The following WDR49 variants were observed in gnomAD, a reference collection of about 807,000 sequenced individuals.
WDR49 encodes cilia- and flagella-associated protein 337.
Under a neutral mutation model 119.5 loss-of-function variants are expected in WDR49, and 107 were observed. The ratio of observed to expected loss-of-function variants is 0.90; its 90% CI spans 0.77 to 1.05. WDR49 has a LOEUF of 1.05. Ranked by LOEUF, WDR49 falls within the 50% of genes least tolerant of loss-of-function variation. The pLI, the probability that WDR49 is intolerant of heterozygous loss-of-function variation, is 0.00. For synonymous variants in WDR49, 425 were observed against 418.8 expected, an observed-to-expected ratio of 1.01 and a Z score of -0.18; for missense variants, 1,240 against 1,220.5, an observed-to-expected ratio of 1.02 and a Z score of -0.24.
chr3:167,557,544 G>C (rs1713007196), intron 9 of WDR49, among the ~76,000 whole-genome samples: 1 of 152,080 alleles, frequency 6.6e-6, no homozygotes, highest in Non-Finnish European at 1.5e-5. Flanking sequence ...GCCTATGGAA[G>C]CTTGAGCAAG....
At chr3:167,609,293 A>T (rs1039192255) in intron 5 of WDR49, among the ~76,000 whole-genome samples, 9 of 152,234 alleles carry the variant, frequency 5.9e-5, no homozygotes, top group African/African-American at 1.9e-4. Flanking sequence ...CACTGAAGAG[A>T]TAGAAAAATA....
At chr3:167,626,729 C>A in intron 3 of WDR49, 123 bp downstream of exon 3, 1 of 721,232 alleles carries the variant, frequency 1.4e-6, no homozygotes, top group East Asian at 3.4e-5. Flanking sequence ...TACCTGTTCT[C>A]CCTCCAGGTC....
chr3:167,565,951 G>C (rs1453721101), intron 8 of WDR49, among the ~76,000 whole-genome samples: 2 of 152,048 alleles, frequency 1.3e-5, no homozygotes, highest in Non-Finnish European at 2.9e-5. Context: ...AATTCTACAA[G>C]GGATGTATTA....
At chr3:167,497,309 A>G (rs1751391155) in intron 18 of WDR49, among the ~76,000 whole-genome samples, 1 of 152,244 alleles carries the variant, frequency 6.6e-6, no homozygotes, top group Admixed American at 6.5e-5. Flanking sequence ...GTAAGAGGAA[A>G]TATTTTCAAA....
At chr3:167,497,431 G>C (rs1305544460) in intron 18 of WDR49, among the ~76,000 whole-genome samples, 1 of 152,022 alleles carries the variant, frequency 6.6e-6, no homozygotes, top group East Asian at 1.9e-4. Context: ...AGAAATCCAG[G>C]GGAAAAAATT....
intron 2 of WDR49, among the ~76,000 whole-genome samples, chr3:167,650,201 A>G (rs1718308551): frequency 6.6e-6 from 1 of 152,214 alleles, no homozygotes; most frequent in Admixed American, 6.5e-5. Flanking sequence ...CACCACTCCT[A>G]TAAAATCAGC....
intron 7 of WDR49, among the ~76,000 whole-genome samples, chr3:167,601,205 T>C (rs901846051): frequency 6.6e-6 from 1 of 152,176 alleles, no homozygotes; most frequent in Non-Finnish European, 1.5e-5. Flanking sequence ...CAGCTGATTG[T>C]TGAAGTTCAA....
At chr3:167,520,467 T>C (rs1171511369) in intron 16 of WDR49, among the ~76,000 whole-genome samples, 6 of 152,176 alleles carry the variant, frequency 3.9e-5, no homozygotes, top group Non-Finnish European at 7.4e-5. Context: ...TTTTATCCTA[T>C]GTAAAGTCTT....
At chr3:167,602,004 A>T (rs1715793019) in intron 7 of WDR49, 123 bp downstream of exon 7, 4 of 1,232,160 alleles carry the variant, frequency 3.2e-6, no homozygotes, top group Non-Finnish European at 4.4e-6. Flanking sequence ...CAAAAACATA[A>T]GTAGCTAGCC....
intron 7 of WDR49, among the ~76,000 whole-genome samples, chr3:167,582,108 C>T (rs544564684): frequency 8.9e-4 from 135 of 151,360 alleles, no homozygotes; most frequent in Non-Finnish European, 1.4e-3. Flanking sequence ...TGCAGCAGCC[C>T]AGCTCACCGG....
At chr3:167,522,631 G>A in intron 15 of WDR49, 147 bp from the exon 16 acceptor site, 1 of 682,646 alleles carries the variant, frequency 1.5e-6, no homozygotes, top group Non-Finnish European at 2.3e-6. Flanking sequence ...CGGTCCACAA[G>A]AAGCTTACAG....
rs115339095 is a variant in WDR49 at position 167,634,301 on chromosome 3, G to A, written c.166-7009C>T. Among the ~76,000 whole-genome samples the A allele has an allele frequency of 4.0e-3, 610 of 151,922 alleles. 6 individuals are homozygous for A. The highest frequency in any genetic ancestry group is 0.014 in the African/African-American group (581 of 41,484). On this transcript the variant is annotated intron_variant, in intron 2 of 18. Transcript: ENST00000682715. ...ACATAATCTCATTCAGCTCTTCCTA[G>A]TACAATGTTTTGCTACATTTATTTT...
intron 16 of WDR49, among the ~76,000 whole-genome samples, chr3:167,519,626 A>C (rs1752353009): frequency 6.7e-6 from 1 of 149,380 alleles, no homozygotes; most frequent in East Asian, 2.1e-4. Context: ...ACACACTGGA[A>C]CCTGTCCAGG....
At chr3:167,542,541 G>C (rs1182351886) in intron 10 of WDR49, among the ~76,000 whole-genome samples, 2 of 150,106 alleles carry the variant, frequency 1.3e-5, no homozygotes, top group Non-Finnish European at 3.0e-5. Flanking sequence ...AATGATCTTT[G>C]GGTCAACAAT....
chr3:167,568,119 A>G (rs1713713958), intron 8 of WDR49, among the ~76,000 whole-genome samples: 1 of 152,150 alleles, frequency 6.6e-6, no homozygotes, highest in African/African-American at 2.4e-5. Flanking sequence ...TTTTCTTTTC[A>G]GAACAAAGGC....
chr3:167,625,055 G>A (rs1240016926), intron 3 of WDR49, among the ~76,000 whole-genome samples: 1 of 152,032 alleles, frequency 6.6e-6, no homozygotes, highest in Non-Finnish European at 1.5e-5. Flanking sequence ...TGGTGATTTT[G>A]AGAGGATGAA....
intron 10 of WDR49, among the ~76,000 whole-genome samples, chr3:167,546,037 C>A (rs1446568029): frequency 6.6e-6 from 1 of 151,730 alleles, no homozygotes; most frequent in Non-Finnish European, 1.5e-5. Flanking sequence ...TCTTTTCCTA[C>A]TGGTAAGTTT....
At chr3:167,571,315 A>G (rs1339616340) in intron 8 of WDR49, among the ~76,000 whole-genome samples, 1 of 152,160 alleles carries the variant, frequency 6.6e-6, no homozygotes, top group Non-Finnish European at 1.5e-5. Flanking sequence ...GCACTGTCTG[A>G]CCTATCTCTT....
chr3:167,510,914 AT>A (rs1201967528), intron 16 of WDR49, among the ~76,000 whole-genome samples: 2 of 147,558 alleles, frequency 1.4e-5, no homozygotes, highest in African/African-American at 5.0e-5. Flanking sequence ...TGTAGTCTAA[AT>A]TCTTTCACAT....
Sources: gnomAD v4.1 joint callset for allele counts (sites outside exome capture counted in the v4.1 genomes callset) on GRCh38, gnomAD v4.1.1 for gene constraint, MANE v1.5 for transcripts, NCBI Gene and HGNC (gene_info 2026-07-23, HGNC 2026-07-21) for gene names.